The following TMCC2 variants were observed in gnomAD, a reference collection of about 807,000 sequenced individuals.
TMCC2 encodes the protein transmembrane and coiled-coil domain family 2.
A neutral mutation model predicts 49.4 loss-of-function variants in TMCC2; 16 were observed. The observed-to-expected ratio is 0.32, with a 90% CI of 0.22 to 0.49. The LOEUF is 0.49. TMCC2 is among the 20% of genes least tolerant of loss of function. The pLI, the probability that TMCC2 is intolerant of heterozygous loss-of-function variation, is 0.99. For missense variants in TMCC2, 762 were observed against 989.8 expected, an observed-to-expected ratio of 0.77 and a Z score of 3.09; for synonymous variants, 397 against 434.1, an observed-to-expected ratio of 0.91 and a Z score of 1.06.
chr1:205,253,365 GAA>G (rs1402347877), intron 2 of TMCC2, among the ~76,000 whole-genome samples: 3 of 152,218 alleles, frequency 2.0e-5, no homozygotes, highest in Non-Finnish European at 4.4e-5. Flanking sequence ...CGTGCAGAGA[GAA>G]GAGCCTGTGC....
intron 2 of TMCC2, chr1:205,257,299 A>G (rs1175516888): frequency 9.7e-6 from 12 of 1,232,262 alleles, no homozygotes; most frequent in Non-Finnish European, 1.2e-5. Context: ...CAGTCCGCAG[A>G]CAGCTGGGGC....
At chr1:205,257,075 G>A (rs1259970674) in intron 2 of TMCC2, 13 of 1,007,452 alleles carry the variant, frequency 1.3e-5, no homozygotes, top group African/African-American at 3.4e-5. Context: ...ATCAGAGCTC[G>A]GTCCTCCCGC....
intron 4 of TMCC2, 130 bp downstream of exon 4, chr1:205,271,385 A>G (rs745804977): frequency 1.6e-5 from 23 of 1,464,570 alleles, no homozygotes; most frequent in African/African-American, 2.8e-5. Context: ...CGATAGGCAC[A>G]TGGATGAAGA....
At chr1:205,243,185 A>G (rs1237902132) in intron 2 of TMCC2, among the ~76,000 whole-genome samples, 2 of 152,178 alleles carry the variant, frequency 1.3e-5, no homozygotes, top group African/African-American at 4.8e-5. Context: ...GGAGTTCAAG[A>G]TCACTCTGGC....
At chr1:205,250,260 G>A (rs1660613752) in intron 2 of TMCC2, among the ~76,000 whole-genome samples, 1 of 152,146 alleles carries the variant, frequency 6.6e-6, no homozygotes, top group Non-Finnish European at 1.5e-5. Context: ...GAAAATATCG[G>A]CCGGGCACGG....
intron 2 of TMCC2, among the ~76,000 whole-genome samples, chr1:205,255,202 C>CAAA (rs11406321): frequency 8.6e-5 from 8 of 93,530 alleles, no homozygotes; most frequent in Admixed American, 1.3e-4. Context: ...GATCCTGTCT[C>CAAA]AAAAAAAAAA....
At chr1:205,234,546 T>C (rs1279048233) in intron 1 of TMCC2, among the ~76,000 whole-genome samples, 1 of 152,228 alleles carries the variant, frequency 6.6e-6, no homozygotes, top group African/African-American at 2.4e-5. Flanking sequence ...GAAATACTTC[T>C]AAGAAAACCA....
rs557530136 is a variant in TMCC2, at chr1:205,251,308, C to T, written c.747+9264C>T. Among the ~76,000 whole-genome samples, 142 of 152,250 alleles carry T rather than the reference C, an allele frequency of 9.3e-4. 1 individual carries two copies. The highest frequency in any genetic ancestry group is 1.6e-3 in the Non-Finnish European group (106 of 68,014). On this transcript the variant is annotated intron_variant, in intron 2 of 4. Transcript: ENST00000358024. The stretch of plus-strand genomic sequence containing the variant: ...TCTGTCCAGGGACAGGCTCTTGGAC[C>T]CCTAGCCCATTTCCCAAATCTTCCA...
chr1:205,259,729 G>A (rs1574858205), intron 2 of TMCC2, among the ~76,000 whole-genome samples: 1 of 152,242 alleles, frequency 6.6e-6, no homozygotes, highest in East Asian at 1.9e-4. Flanking sequence ...TTCCACGGGA[G>A]CCAGGGCTGG....
chr1:205,258,133 A>G (rs1245317110), intron 2 of TMCC2, among the ~76,000 whole-genome samples: 1 of 152,092 alleles, frequency 6.6e-6, no homozygotes, highest in Non-Finnish European at 1.5e-5. Flanking sequence ...GGCAGGTGGA[A>G]GCCTCTACCT....
In TMCC2 at chr1:205,242,095, G is replaced by A. The variant is rs189815178; in HGVS notation, c.747+51G>A. Reference sequence around the variant, plus strand: ...GGAGACTCAGAGGCAAGGGCCATCCGCTGAGGGGCCTTGAGACCTGGGGAG... The same window carrying A: ...GGAGACTCAGAGGCAAGGGCCATCCACTGAGGGGCCTTGAGACCTGGGGAG... On this transcript the variant is annotated intron_variant, in intron 2 of 4. Coordinates refer to ENST00000358024, the MANE Select transcript of TMCC2 (RefSeq NM_014858.4). 42 of 1,510,684 alleles carry A rather than the reference G, an allele frequency of 2.8e-5. No homozygotes were observed. In the East Asian group the frequency reaches 5.7e-4, roughly 21 times the overall value. 93.6% of individuals were successfully genotyped at this position (1,510,684 alleles called of 1,614,324 possible).
chr1:205,235,866 G>A lies in TMCC2; in HGVS notation c.208-5639G>A, dbSNP rs546041843. Among the ~76,000 whole-genome samples the A allele has an allele frequency of 6.4e-4, 97 of 152,128 alleles. 1 individual carries two copies. Among genetic ancestry groups the A allele is most frequent in the African/African-American group, 2.1e-3 (89 of 41,498 alleles). ...AGGGGGGTCACGAGGTCAGGAGTTC[G>A]AGACCAGCCTGGCCAGCATGGTGAA... On this transcript the variant is annotated intron_variant, in intron 1 of 4. Transcript: ENST00000358024.
At chr1:205,240,995 A>G (rs767412020) in intron 1 of TMCC2, among the ~76,000 whole-genome samples, 5 of 152,238 alleles carry the variant, frequency 3.3e-5, no homozygotes, top group Non-Finnish European at 7.3e-5. Context: ...AGTGTCTGCT[A>G]CAACAGTATA....
chr1:205,268,585 G>T (rs372072021), intron 2 of TMCC2, among the ~76,000 whole-genome samples: 52 of 152,326 alleles, frequency 3.4e-4, no homozygotes, highest in Admixed American at 9.1e-4. Context: ...CTGCAGTCCA[G>T]CCTGGGCAAC....
intron 1 of TMCC2, chr1:205,229,523 A>T: frequency 3.9e-6 from 2 of 516,866 alleles, no homozygotes; most frequent in Non-Finnish European, 4.6e-6. Context: ...GATGAAGCTC[A>T]GTTTGCCGAT....
rs148017254 is a variant in TMCC2 at position 205,269,379 on chromosome 1, G to T, written c.1177G>T (p.Ala393Ser). The change falls in exon 3 of 5, where the codon GCA (alanine) becomes TCA (serine). Residue 393 changes from alanine (A) to serine (S), a missense_variant. Physicochemically the swap from Ala to Ser is moderately conservative, Grantham distance 99 (BLOSUM62 1). Around this residue, in one of 2 missense-constraint regions of TMCC2, gnomAD observed 440 missense variants for 636.7 expected, o/e 0.69. Transcript: ENST00000358024. ...GLKDVGANVR[A>S]GISGFGGGVV... is the part of the protein sequence containing the mutation. ...GAAGGACGTGGGCGCCAACGTGCGC[G>T]CAGGCATCAGCGGCTTTGGGGGCGG... 1.9e-6 allele frequency: 3 copies of T among 1,609,964 alleles called. No individual in the cohort carries two copies. Among genetic ancestry groups the T allele is most frequent in the Non-Finnish European group, 2.5e-6 (3 of 1,177,538 alleles).
chr1:205,257,156 C>T (rs1660907411), intron 2 of TMCC2: 1 of 1,232,784 alleles, frequency 8.1e-7, no homozygotes, highest in Non-Finnish European at 1.0e-6. Context: ...AGGGGGAAAT[C>T]TCCTAGAGCA....
At chr1:205,234,680 G>T (rs1353160139) in intron 1 of TMCC2, among the ~76,000 whole-genome samples, 2 of 149,714 alleles carry the variant, frequency 1.3e-5, no homozygotes, top group Non-Finnish European at 3.0e-5. Flanking sequence ...TTTTTTTTTT[G>T]AGATGGAATC....
At chr1:205,257,974 G>T (rs1040274566) in intron 2 of TMCC2, among the ~76,000 whole-genome samples, 3 of 152,318 alleles carry the variant, frequency 2.0e-5, no homozygotes, top group Middle Eastern at 3.4e-3. Context: ...AGACACTGAG[G>T]GGAGGATGTA....
Sources: allele counts gnomAD v4.1 joint callset (sites outside exome capture counted in the v4.1 genomes callset), GRCh38; gene constraint gnomAD v4.1.1; regional missense constraint gnomAD v4.1.1; transcripts MANE v1.5; gene names NCBI Gene and HGNC (gene_info 2026-07-23, HGNC 2026-07-21).